The following RASAL1 variants were observed in gnomAD, a reference collection of about 807,000 sequenced individuals.
RASAL1 encodes the protein RAS protein activator like 1.
Under a neutral mutation model 96.6 loss-of-function variants are expected in RASAL1, and 72 were observed. The observed-to-expected ratio is 0.75, with a 90% CI of 0.62 to 0.91. RASAL1 has a LOEUF of 0.91. Ranked by LOEUF, RASAL1 falls within the 40% of genes least tolerant of loss-of-function variation. The pLI is 0.00. For synonymous variants in RASAL1, 405 were observed against 430.4 expected, an observed-to-expected ratio of 0.94 and a Z score of 0.73; for missense variants, 1,016 against 1,072.5, an observed-to-expected ratio of 0.95 and a Z score of 0.74.
In RASAL1 at chr12:113,135,575, T is replaced by G; in HGVS notation, c.-113A>C. The G allele has an allele frequency of 1.1e-6, 1 of 906,896 alleles. No individual in the cohort carries two copies. Among genetic ancestry groups the G allele is most frequent in the South Asian group, 1.6e-5 (1 of 62,144 alleles). The allele number at this position is 906,896 out of a possible 1,614,324, so 56.2% of individuals were successfully genotyped here. On this transcript the variant is annotated 5_prime_UTR_variant, in exon 1 of 21. Coordinates refer to ENST00000548055, the MANE Select transcript of RASAL1 (RefSeq NM_001301202.2). This position sits in a 1 kb window ranked among gnomAD's most constrained non-coding sequence, Gnocchi z 5.7. ...CTGGCTCCCTGCCTCGTGGTCCCAGTGCCGCCTGTCCGAGACCCGGGTAGC... is the reference window on the plus strand; with the variant it reads ...CTGGCTCCCTGCCTCGTGGTCCCAGGGCCGCCTGTCCGAGACCCGGGTAGC...
rs1951032994 is a variant in RASAL1, at chr12:113,115,285, G to T, written c.1004-21C>A. ...GTCCACTGGGAGGACAGGAGGAAGTGTTTGCTGGGATTTAGGGAGCTGAAC... is the reference window on the plus strand; with the variant it reads ...GTCCACTGGGAGGACAGGAGGAAGTTTTTGCTGGGATTTAGGGAGCTGAAC... On this transcript the variant is annotated intron_variant, in intron 10 of 20. Transcript: ENST00000548055. This position sits in a 1 kb window ranked among gnomAD's most constrained non-coding sequence, Gnocchi z 4.1. The T allele has an allele frequency of 1.3e-5, 21 of 1,607,098 alleles. No homozygotes were observed. The highest frequency in any genetic ancestry group is 1.4e-5 in the Non-Finnish European group (17 of 1,173,680).
In RASAL1 at chr12:113,108,112, A is replaced by G. The variant is rs776361314; in HGVS notation, c.1485T>C (p.Thr495=). 1.7e-5 allele frequency: 27 copies of G among 1,613,052 alleles called. No individual in the cohort carries two copies. The African/African-American group carries it at 3.5e-4, about 21-fold the overall frequency. The change falls in exon 14 of 21, where the codon ACT becomes ACC. Residue 495 remains threonine, a synonymous_variant. Coordinates refer to ENST00000548055, the MANE Select transcript of RASAL1 (RefSeq NM_001301202.2). The part of the protein sequence containing the change: ...DLRDQHADPQ[T]SRSLLLLAKA... ...TGGCAAGCAACAGCAGTGAGCGGCT[A>G]GTCTGGGGGTCCGCGTGTTGGTCCC...
Position 113,117,161 on chromosome 12 carries a change from C to A in RASAL1, c.643G>T (p.Val215Leu). 6.3e-7 allele frequency: 1 copy of A among 1,590,926 alleles called. No individual in the cohort carries two copies. ...MVGKNDFLGM[V>L]EFSPKTLQQK... ...TGGAGGGTCTTTGGAGAGAACTCCA[C>A]CTTTTGAGAGAGACACACAGACCCT... Residue 215 changes from valine (V) to leucine (L), a missense_variant and splice_region_variant, in exon 8 of 21, where the codon GTG becomes TTG. By Grantham distance (32) the Val-to-Leu change is conservative. Coordinates refer to ENST00000548055, the MANE Select transcript of RASAL1 (RefSeq NM_001301202.2).
At chr12:113,103,135 T>C (rs1043070569) in intron 18 of RASAL1, 13 of 203,080 alleles carry the variant, frequency 6.4e-5, no homozygotes, top group Non-Finnish European at 1.3e-4. Context: ...AATACATCAT[T>C]ATATATTGTA....
In RASAL1 at chr12:113,129,232, C is replaced by T. The variant is rs117600998; in HGVS notation, c.123-1054G>A. 0.013 allele frequency among the ~76,000 whole-genome samples: 1,967 copies of T among 152,112 alleles called. 26 individuals are homozygous for T. Among genetic ancestry groups the T allele is most frequent in the Middle Eastern group, 0.058 (17 of 294 alleles). The stretch of plus-strand genomic sequence containing the variant: ...CCTGGTTGGGTCGTGGGGGTAGGGT[C>T]GGAGGGGATTAGGGAAGGCTTCCTG... On this transcript the variant is annotated intron_variant, in intron 2 of 20. Transcript: ENST00000548055. The surrounding 1 kb of genome is among the most constrained non-coding windows in gnomAD (Gnocchi z 5.0).
chr12:113,115,540 T>C lies in RASAL1; in HGVS notation c.1003+95A>G. ...GACCCACAGAAAAAGGAGCCCTTTT[T>C]CCCTCTGCCTGAGGCCTCCCCATTC... is the stretch of plus-strand genomic sequence containing the variant. On this transcript the variant is annotated intron_variant, in intron 10 of 20. Coordinates refer to ENST00000548055, the MANE Select transcript of RASAL1 (RefSeq NM_001301202.2). This position sits in a 1 kb window ranked among gnomAD's most constrained non-coding sequence, Gnocchi z 4.1. 3 of 1,478,280 alleles carry C rather than the reference T, an allele frequency of 2.0e-6. No homozygotes were observed. In the East Asian group the frequency reaches 7.0e-5, roughly 34 times the overall value. The allele number at this position is 1,478,280 out of a possible 1,614,324, so 91.6% of individuals were successfully genotyped here.
chr12:113,104,319 T>C, intron 16 of RASAL1, 21 bp from the exon 17 acceptor site: 1 of 1,540,636 alleles, frequency 6.5e-7, no homozygotes, highest in African/African-American at 1.4e-5. Context: ...GGATTGTCGC[T>C]GCAGGATGGG....
chr12:113,108,837 CTTT>C (rs56395319), intron 13 of RASAL1, among the ~76,000 whole-genome samples: 14 of 121,592 alleles, frequency 1.2e-4, no homozygotes, highest in Admixed American at 1.7e-4. Flanking sequence ...TTTTTTCTTT[CTTT>C]TTTTTTTTTT....
At chr12:113,107,272 CA>C (rs779387266) in intron 14 of RASAL1, 31 bp from the exon 15 acceptor site, 182 of 1,563,568 alleles carry the variant, frequency 1.2e-4, no homozygotes, top group Non-Finnish European at 1.5e-4. Context: ...ATGCCGGGGC[CA>C]AGGTCACAGC....
rs555374584 is a variant in RASAL1, at chr12:113,130,367, T to G, written c.122+518A>C. ...GCAGCCATGTGCACGTGCATGTACATGCACCCTACACTGGTACACACACGT... is the reference window on the plus strand; with the variant it reads ...GCAGCCATGTGCACGTGCATGTACAGGCACCCTACACTGGTACACACACGT... On this transcript the variant is annotated intron_variant, in intron 2 of 20. Transcript: ENST00000548055. The surrounding 1 kb of genome is among the most constrained non-coding windows in gnomAD (Gnocchi z 5.1). Among the ~76,000 whole-genome samples the G allele has an allele frequency of 6.6e-6, 1 of 152,274 alleles. No homozygotes were observed. The highest frequency in any genetic ancestry group is 2.1e-4 in the South Asian group (1 of 4,830).
At chr12:113,134,784 C>T (rs897330155) in intron 1 of RASAL1, among the ~76,000 whole-genome samples, 2 of 152,128 alleles carry the variant, frequency 1.3e-5, no homozygotes, top group Non-Finnish European at 2.9e-5. Context: ...GAGGGGGTCG[C>T]AGCAAGGAAT....
At chr12:113,113,204 C>T (rs536245000) in intron 12 of RASAL1, among the ~76,000 whole-genome samples, 167 of 152,286 alleles carry the variant, frequency 1.1e-3, no homozygotes, top group Non-Finnish European at 1.8e-3. Flanking sequence ...GCTGGGGGTT[C>T]TCAGCCCCAC....
Position 113,104,846 on chromosome 12 carries a change from A to G in RASAL1, c.1831-548T>C, listed in dbSNP as rs539496649. Among the ~76,000 whole-genome samples the G allele has an allele frequency of 3.3e-5, 5 of 152,330 alleles. No individual in the cohort carries two copies. In the East Asian group the frequency reaches 7.7e-4, roughly 23 times the overall value. Reference sequence around the variant, plus strand: ...TCTCTGGGCATCCATTTCCTTGTTAATAATAACTACCACTTCTATGGTACT... The same window carrying G: ...TCTCTGGGCATCCATTTCCTTGTTAGTAATAACTACCACTTCTATGGTACT... On this transcript the variant is annotated intron_variant, in intron 16 of 20. Transcript: ENST00000548055.
rs1025640416 is a variant in RASAL1 at position 113,107,345 on chromosome 12, G to C, written c.1513-104C>G. On this transcript the variant is annotated intron_variant, in intron 14 of 20. Transcript: ENST00000548055. ...TCAATAAAAGAAGACTCATATTGCC[G>C]GGCACAGTGGCTCATGCCTGTAATC... is the stretch of plus-strand genomic sequence containing the variant. 6.0e-6 allele frequency: 8 copies of C among 1,325,118 alleles called. No homozygotes were observed. The Admixed American group carries it at 2.1e-4, about 35-fold the overall frequency. The allele number at this position is 1,325,118 out of a possible 1,614,324, so 82.1% of individuals were successfully genotyped here.
chr12:113,100,302 C>CT (rs887587728), intron 20 of RASAL1, among the ~76,000 whole-genome samples: 5 of 152,040 alleles, frequency 3.3e-5, no homozygotes, highest in African/African-American at 1.2e-4. Context: ...CCCTTAGCTT[C>CT]TTTTTTTGGG....
At position 113,115,677 on chromosome 12, in the gene RASAL1, G is replaced by A. The variant is rs1054772227; in HGVS notation, c.961C>T (p.Arg321Cys). 6 of 1,613,862 alleles carry A rather than the reference G, an allele frequency of 3.7e-6. No individual in the cohort carries two copies. The highest frequency in any genetic ancestry group is 2.2e-5 in the East Asian group (1 of 44,886). ...CGCCGGGTGAGATAGTCCAGAAAGC[G>A]CCCAGCCAGTCCCCGGCCAAGAAAG... ...KLFLGRGLAG[R>C]FLDYLTRREV... Residue 321 changes from arginine (R) to cysteine (C), a missense_variant, in exon 10 of 21, where the codon CGC (arginine) becomes TGC (cysteine). Arg to Cys is a radical substitution (Grantham distance 180). Coordinates refer to ENST00000548055, the MANE Select transcript of RASAL1 (RefSeq NM_001301202.2). The surrounding 1 kb of genome is among the most constrained non-coding windows in gnomAD (Gnocchi z 4.1).
At chr12:113,110,618 A>G (rs1950831936) in intron 13 of RASAL1, among the ~76,000 whole-genome samples, 1 of 152,198 alleles carries the variant, frequency 6.6e-6, no homozygotes, top group Non-Finnish European at 1.5e-5. Context: ...TCATGCTGAC[A>G]TTTTAAAAAT....
At chr12:113,107,736 G>A (rs943117426) in intron 14 of RASAL1, 5 of 395,164 alleles carry the variant, frequency 1.3e-5, no homozygotes, top group Non-Finnish European at 1.9e-5. Context: ...TCCCTCCCGA[G>A]CCCAGATCCT....
At chr12:113,133,790 T>A (rs1951806941) in intron 1 of RASAL1, among the ~76,000 whole-genome samples, 2 of 152,110 alleles carry the variant, frequency 1.3e-5, no homozygotes, top group Admixed American at 6.5e-5. Flanking sequence ...AAGTGACTCC[T>A]CCCCACCCTT....
Sources: allele counts gnomAD v4.1 joint callset (sites outside exome capture counted in the v4.1 genomes callset), GRCh38; gene constraint gnomAD v4.1.1; non-coding constraint Gnocchi (gnomAD v3.1); transcripts MANE v1.5; gene names NCBI Gene and HGNC (gene_info 2026-07-23, HGNC 2026-07-21).